The following MOB2 variants were observed in gnomAD, a reference collection of about 807,000 sequenced individuals.
MOB2 encodes the protein MOB2 Mps One Binder homolog.
Under a neutral mutation model 27.4 loss-of-function variants are expected in MOB2, and 14 were observed. The ratio of observed to expected loss-of-function variants is 0.51; its 90% CI spans 0.34 to 0.80. The LOEUF is 0.80. MOB2 is among the 30% of genes least tolerant of loss of function. MOB2 has a pLI of 0.01. For synonymous variants in MOB2, 167 were observed against 151.8 expected (o/e 1.10, Z -0.74); for missense variants, 304 against 354.6 (o/e 0.86, Z 1.15).
chr11:1,474,862 G>A (rs1006315427), intron 3 of MOB2, among the ~76,000 whole-genome samples: 1 of 152,372 alleles, frequency 6.6e-6, no homozygotes, highest in South Asian at 2.1e-4. Flanking sequence ...TTCACAGTAA[G>A]TCTCAAAAGT....
chr11:1,485,384 C>T (rs900839210), intron 1 of MOB2, among the ~76,000 whole-genome samples: 1 of 152,230 alleles, frequency 6.6e-6, no homozygotes, highest in Admixed American at 6.5e-5. Flanking sequence ...CCAACTTGCC[C>T]ACACATTTCC....
At chr11:1,471,000 G>A (rs1590760882) in intron 4 of MOB2, among the ~76,000 whole-genome samples, 1 of 152,264 alleles carries the variant, frequency 6.6e-6, no homozygotes, top group East Asian at 1.9e-4. Flanking sequence ...GTGCCCACAA[G>A]CTGGACGGTG....
chr11:1,471,205 C>T (rs1847785512), intron 4 of MOB2, 90 bp downstream of exon 4: 3 of 1,484,544 alleles, frequency 2.0e-6, no homozygotes, highest in African/African-American at 2.8e-5. Flanking sequence ...TCTGCCCCTC[C>T]CGGCACAGGA....
At chr11:1,485,838 G>A (rs1055433619) in intron 1 of MOB2, among the ~76,000 whole-genome samples, 12 of 152,228 alleles carry the variant, frequency 7.9e-5, no homozygotes, top group Admixed American at 2.6e-4. Flanking sequence ...AGGCACCCCC[G>A]CAGCAGGTCA....
chr11:1,471,596 C>T (rs1183274629), intron 3 of MOB2, 177 bp from the exon 4 acceptor site: 2 of 681,366 alleles, frequency 2.9e-6, no homozygotes, highest in Non-Finnish European at 4.8e-6. Context: ...CTGCGGGGAC[C>T]ACACTGCACT....
intron 1 of MOB2, among the ~76,000 whole-genome samples, chr11:1,482,157 A>G (rs1847922540): frequency 6.6e-6 from 1 of 152,122 alleles, no homozygotes; most frequent in East Asian, 1.9e-4. Flanking sequence ...CGGCCTTCCC[A>G]TTTGGAGGGG....
intron 1 of MOB2, among the ~76,000 whole-genome samples, chr11:1,482,263 T>C (rs1199725989): frequency 6.6e-6 from 1 of 152,238 alleles, no homozygotes; most frequent in Non-Finnish European, 1.5e-5. Context: ...CAGGTGGCAG[T>C]TACCTGGTGG....
chr11:1,482,752 C>T (rs1412796632), intron 1 of MOB2, among the ~76,000 whole-genome samples: 2 of 152,228 alleles, frequency 1.3e-5, no homozygotes, highest in East Asian at 1.9e-4. Context: ...GGCAGGTGGA[C>T]GGGCACTGGC....
chr11:1,484,574 C>T (rs909575956), intron 1 of MOB2, among the ~76,000 whole-genome samples: 1 of 152,068 alleles, frequency 6.6e-6, no homozygotes, highest in African/African-American at 2.4e-5. Flanking sequence ...ACCTTGCTGC[C>T]CAGGGTGCAC....
intron 3 of MOB2, among the ~76,000 whole-genome samples, chr11:1,478,406 T>TTGAG (rs1358472627): frequency 6.6e-6 from 1 of 152,232 alleles, no homozygotes; most frequent in African/African-American, 2.4e-5. Flanking sequence ...GCTCTTGGTT[T>TTGAG]TGAGTGACTT....
chr11:1,480,722 C>T lies in MOB2; in HGVS notation c.271+3G>A. 6.2e-7 allele frequency: 1 copy of T among 1,602,412 alleles called. No homozygotes were observed. ...GGGGGCCCGCCCCCAGGCCCCCGCG[C>T]ACTGTTGCTGGCCAGCCACTCGTTA... On this transcript the variant is annotated splice_donor_region_variant and intron_variant, in intron 2 of 4. Transcript: ENST00000329957.
At chr11:1,484,796 G>T (rs1299406161) in intron 1 of MOB2, among the ~76,000 whole-genome samples, 1 of 152,174 alleles carries the variant, frequency 6.6e-6, no homozygotes, top group African/African-American at 2.4e-5. Flanking sequence ...GGGTGGGAAG[G>T]CCTCCGGAGC....
chr11:1,481,164 C>A (rs775102162), intron 1 of MOB2: 1 of 578,870 alleles, frequency 1.7e-6, no homozygotes, highest in Non-Finnish European at 3.2e-6. Flanking sequence ...ATCCTCACCC[C>A]TCACCAAGTC....
intron 3 of MOB2, among the ~76,000 whole-genome samples, chr11:1,474,011 C>T (rs1227057010): frequency 6.6e-6 from 1 of 152,264 alleles, no homozygotes; most frequent in Non-Finnish European, 1.5e-5. Context: ...GACACTGCCC[C>T]TGCAGAGATG....
At chr11:1,477,923 C>T (rs1847870026) in intron 3 of MOB2, among the ~76,000 whole-genome samples, 1 of 152,250 alleles carries the variant, frequency 6.6e-6, no homozygotes, top group African/African-American at 2.4e-5. Flanking sequence ...TTTGTTGCCT[C>T]TGTTTCTCAT....
At chr11:1,481,432 C>G (rs1847912522) in intron 1 of MOB2, 1 of 176,326 alleles carries the variant, frequency 5.7e-6, no homozygotes, top group Non-Finnish European at 1.2e-5. Context: ...GCTCCAGTAT[C>G]CCTGTTGTCC....
At chr11:1,472,972 T>G (rs900642715) in intron 3 of MOB2, 1 of 152,812 alleles carries the variant, frequency 6.5e-6, no homozygotes, top group South Asian at 2.0e-4. Context: ...TCACCAGAGT[T>G]ACCAAGAAGC....
intron 3 of MOB2, among the ~76,000 whole-genome samples, chr11:1,476,779 G>A (rs1165808412): frequency 2.0e-5 from 3 of 152,160 alleles, no homozygotes; most frequent in Non-Finnish European, 2.9e-5. Context: ...CACAAATTCT[G>A]ACATGCTGTA....
At chr11:1,484,286 T>A (rs569921030) in intron 1 of MOB2, among the ~76,000 whole-genome samples, 7 of 152,056 alleles carry the variant, frequency 4.6e-5, no homozygotes, top group African/African-American at 1.7e-4. Context: ...GGCCCAGAAA[T>A]ACAAGTCCCC....
Sources: allele counts gnomAD v4.1 joint callset (sites outside exome capture counted in the v4.1 genomes callset), GRCh38; gene constraint gnomAD v4.1.1; transcripts MANE v1.5; gene names NCBI Gene and HGNC (gene_info 2026-07-23, HGNC 2026-07-21).